The following HIRA variants were observed in gnomAD, a reference collection of about 807,000 sequenced individuals.
HIRA encodes the protein protein HIRA.
Under a neutral mutation model 126.6 loss-of-function variants are expected in HIRA, and 13 were observed. The ratio of observed to expected loss-of-function variants is 0.10; its 90% CI spans 0.07 to 0.16. HIRA has a LOEUF of 0.16. HIRA is among the 10% of genes least tolerant of loss of function. HIRA has a pLI of 1.00. For missense variants in HIRA, 834 were observed against 1,314.4 expected (o/e 0.63, Z 5.65); for synonymous variants, 511 against 520.0 (o/e 0.98, Z 0.24).
chr22:19,431,171 C>G (rs747303393), intron 1 of HIRA, among the ~76,000 whole-genome samples: 10 of 152,328 alleles, frequency 6.6e-5, no homozygotes, highest in Non-Finnish European at 1.3e-4. Flanking sequence ...AGGCCGCGGC[C>G]CCTCCAAGGA....
chr22:19,401,062 C>T (rs917528047), intron 5 of HIRA, among the ~76,000 whole-genome samples: 73 of 152,248 alleles, frequency 4.8e-4, no homozygotes, highest in African/African-American at 1.8e-3. Context: ...CCCTTTTCTT[C>T]TCCTCCATCT....
At chr22:19,331,708 G>A (rs1004112135) in intron 24 of HIRA, 152 bp from the exon 25 acceptor site, 2 of 731,940 alleles carry the variant, frequency 2.7e-6, no homozygotes, top group Non-Finnish European at 4.5e-6. Flanking sequence ...AGAGCTGTGG[G>A]GCAAATGTGC....
intron 24 of HIRA, among the ~76,000 whole-genome samples, chr22:19,338,652 G>A (rs2088593262): frequency 6.6e-6 from 1 of 152,122 alleles, no homozygotes; most frequent in African/African-American, 2.4e-5. Context: ...AACCAAAAGC[G>A]AGCAGAAATA....
At chr22:19,426,871 C>G (rs2089492378) in intron 1 of HIRA, among the ~76,000 whole-genome samples, 1 of 152,140 alleles carries the variant, frequency 6.6e-6, no homozygotes, top group Admixed American at 6.5e-5. Flanking sequence ...CCACATGGAG[C>G]AGGTGAGGCA....
chr22:19,358,372 C>T (rs1184110873), intron 18 of HIRA, among the ~76,000 whole-genome samples: 2 of 152,132 alleles, frequency 1.3e-5, no homozygotes, highest in Non-Finnish European at 2.9e-5. Flanking sequence ...GGAGAGGTCC[C>T]ACGTGGTCCA....
chr22:19,399,002 A>T, intron 5 of HIRA: 2 of 475,258 alleles, frequency 4.2e-6, no homozygotes, highest in Non-Finnish European at 5.5e-6. Context: ...GAAACAAAAA[A>T]CCCCAAAACC....
chr22:19,379,485 C>A (rs1301141550), intron 13 of HIRA, among the ~76,000 whole-genome samples: 1 of 150,844 alleles, frequency 6.6e-6, no homozygotes, highest in African/African-American at 2.4e-5. Context: ...ATTAGCCGGG[C>A]ATGGTGGTAG....
intron 19 of HIRA, 73 bp from the exon 20 acceptor site, chr22:19,356,361 A>G: frequency 7.4e-7 from 1 of 1,346,616 alleles, no homozygotes; most frequent in Admixed American, 1.7e-5. Flanking sequence ...GGCTGCTCAG[A>G]CACCCTGGCC....
chr22:19,399,199 A>G (rs1410096469), intron 5 of HIRA: 1 of 966,364 alleles, frequency 1.0e-6, no homozygotes, highest in Non-Finnish European at 1.2e-6. Flanking sequence ...AGTGCTAGGT[A>G]TACAGAAGAA....
At chr22:19,367,127 T>C (rs2088921075) in intron 15 of HIRA, among the ~76,000 whole-genome samples, 1 of 152,168 alleles carries the variant, frequency 6.6e-6, no homozygotes, top group Non-Finnish European at 1.5e-5. Flanking sequence ...TACTAATGCC[T>C]CCTTTCATTT....
At chr22:19,356,547 C>A (rs1277124150) in intron 19 of HIRA, among the ~76,000 whole-genome samples, 7 of 152,210 alleles carry the variant, frequency 4.6e-5, no homozygotes, top group Admixed American at 4.6e-4. Context: ...GGAAGCCAGG[C>A]CACAGCAGCC....
At position 19,354,103 on chromosome 22, in the gene HIRA, G is replaced by T. The variant is rs782595183; in HGVS notation, c.2577C>A (p.Asp859Glu). The T allele has an allele frequency of 6.2e-7, 1 of 1,612,954 alleles. No individual in the cohort carries two copies. Among genetic ancestry groups the T allele is most frequent in the East Asian group, 2.2e-5 (1 of 44,848 alleles). ...CACACTGAGCCAGTGAGTCCTGCTT[G>T]TCAGAAACCAGGTTCCTGGGGAGGC... ...PSLSTWNLVS[D>E]KQDSLAQCAD... Residue 859 changes from aspartate (D) to glutamate (E), a missense_variant, in exon 22 of 25, where the codon GAC (aspartate) becomes GAA (glutamate). Transcript: ENST00000263208.
chr22:19,394,092 G>A (rs1239247249), intron 8 of HIRA, among the ~76,000 whole-genome samples: 1 of 152,168 alleles, frequency 6.6e-6, no homozygotes, highest in Non-Finnish European at 1.5e-5. Flanking sequence ...CCAGGTGAGG[G>A]TGGCACCGTG....
At chr22:19,334,233 C>T (rs958553012) in intron 24 of HIRA, among the ~76,000 whole-genome samples, 4 of 151,692 alleles carry the variant, frequency 2.6e-5, no homozygotes, top group African/African-American at 9.7e-5. Context: ...CCTTGGCCTC[C>T]CAAAGTGCTG....
Position 19,351,959 on chromosome 22 carries a change from C to T in HIRA, c.2849-513G>A, listed in dbSNP as rs112486004. On this transcript the variant is annotated intron_variant, in intron 23 of 24. Coordinates refer to ENST00000263208, the MANE Select transcript of HIRA (RefSeq NM_003325.4). The surrounding 1 kb of genome is among the most constrained non-coding windows in gnomAD (Gnocchi z 4.8). ...TTATGGGCACCACCCAGTAGGGCTG[C>T]TAGAAAGGCTGGAGGTAGAGTGTCG... Among the ~76,000 whole-genome samples the T allele has an allele frequency of 5.9e-5, 9 of 152,042 alleles. 1 individual carries two copies. Among genetic ancestry groups the T allele is most frequent in the African/African-American group, 1.7e-4 (7 of 41,466 alleles).
At chr22:19,392,346 T>A in intron 8 of HIRA, 132 bp from the exon 9 acceptor site, 1 of 555,968 alleles carries the variant, frequency 1.8e-6, no homozygotes. Flanking sequence ...ATGCATTTCA[T>A]CTTCCCGACC....
At chr22:19,346,708 T>C (rs1236141757) in intron 24 of HIRA, among the ~76,000 whole-genome samples, 11 of 152,200 alleles carry the variant, frequency 7.2e-5, no homozygotes, top group African/African-American at 2.7e-4. Context: ...AGAGGGTGAA[T>C]GTTGCTGTTG....
In HIRA at chr22:19,385,581, C is replaced by T. The variant is rs767600943; in HGVS notation, c.1269G>A (p.Met423Ile). The change falls in exon 12 of 25, where the codon ATG becomes ATA. Residue 423 changes from methionine to isoleucine, a missense_variant. Met to Ile is a conservative substitution (Grantham distance 10, BLOSUM62 1). Around this residue, in one of 5 missense-constraint regions of HIRA, gnomAD observed 153 missense variants for 270.6 expected, o/e 0.57. Coordinates refer to ENST00000263208, the MANE Select transcript of HIRA (RefSeq NM_003325.4). ...CGCCTGCGACTGAGGTGGCTGAGCC[C>T]ATCTCCCTGGTCGCAGCACTCTTCT... ...LDQKSAATRE[M>I]GSATSVAGVV... 1 of 1,614,052 alleles carries T rather than the reference C, an allele frequency of 6.2e-7. No homozygotes were observed.
At chr22:19,332,853 GAAAT>G (rs782174370) in intron 24 of HIRA, among the ~76,000 whole-genome samples, 10 of 151,602 alleles carry the variant, frequency 6.6e-5, no homozygotes, top group Non-Finnish European at 1.0e-4. Context: ...AATAAAAATT[GAAAT>G]AAATAAAATA....
Sources: allele counts gnomAD v4.1 joint callset (sites outside exome capture counted in the v4.1 genomes callset), GRCh38; gene constraint gnomAD v4.1.1; regional missense constraint gnomAD v4.1.1; non-coding constraint Gnocchi (gnomAD v3.1); transcripts MANE v1.5; gene names NCBI Gene and HGNC (gene_info 2026-07-23, HGNC 2026-07-21).